Variants in POGZ observed in about 807,000 individuals in gnomAD.
POGZ encodes pogo transposable element derived with ZNF domain, also known as pogo transposable element with ZNF domain.
Under a neutral mutation model 134.6 loss-of-function variants are expected in POGZ, and 17 were observed. The observed-to-expected ratio is 0.13, with a 90% CI of 0.09 to 0.19. The LOEUF (loss-of-function observed/expected upper bound fraction) is 0.19, where lower values mean the gene tolerates loss of function less well. Ranked by LOEUF, POGZ falls within the 10% of genes least tolerant of loss-of-function variation. The probability of loss-of-function intolerance (pLI) is 1.00; values close to 1 mark genes in which losing one functional copy is unlikely to be tolerated. For missense variants in POGZ, 1,306 were observed against 1,769.7 expected (o/e 0.74, Z 4.70); for synonymous variants, 693 against 657.1 (o/e 1.05, Z -0.84).
intron 10 of POGZ, 133 bp downstream of exon 10, chr1:151,423,264 G>C: frequency 2.7e-6 from 2 of 731,146 alleles, no homozygotes; most frequent in Non-Finnish European, 4.5e-6. Flanking sequence ...TAAAGAACTG[G>C]CTACAAATAT....
intron 12 of POGZ, among the ~76,000 whole-genome samples, chr1:151,410,781 CTT>C (rs1654527530): frequency 6.6e-6 from 1 of 152,172 alleles, no homozygotes; most frequent in African/African-American, 2.4e-5. Context: ...CACAAATATA[CTT>C]TCTCTATTGT....
At chr1:151,435,554 G>C (rs558349271) in intron 3 of POGZ, among the ~76,000 whole-genome samples, 29 of 150,466 alleles carry the variant, frequency 1.9e-4, no homozygotes, top group African/African-American at 7.1e-4. Flanking sequence ...GTGCAGTAAC[G>C]TGATCTCAGC....
chr1:151,440,252 T>C (rs1025861847), intron 3 of POGZ, among the ~76,000 whole-genome samples: 2 of 152,098 alleles, frequency 1.3e-5, no homozygotes, highest in East Asian at 1.9e-4. Context: ...AAAGCTGTTT[T>C]AGTTTTAAAG....
chr1:151,442,083 G>A lies in POGZ; in HGVS notation c.122C>T (p.Thr41Ile). 1.3e-6 allele frequency: 2 copies of A among 1,591,516 alleles called. No homozygotes were observed. Among genetic ancestry groups the A allele is most frequent in the Non-Finnish European group, 1.7e-6 (2 of 1,160,826 alleles). ...AAGATCAGAAGAGCTTTTGTTACCTGTGGTAGTTTTATCCACTGAATTATA... is the reference window on the plus strand; with the variant it reads ...AAGATCAGAAGAGCTTTTGTTACCTATGGTAGTTTTATCCACTGAATTATA... ...EDYNSVDKTT[T>I]VSVSQQPVSA... is the part of the protein sequence containing the mutation. Residue 41 changes from threonine (T) to isoleucine (I), a missense_variant and splice_region_variant, in exon 2 of 19, where the codon ACA (threonine) becomes ATA (isoleucine). Around this residue, in one of 10 missense-constraint regions of POGZ, gnomAD observed 541 missense variants for 680.5 expected, o/e 0.80. Coordinates refer to ENST00000271715, the MANE Select transcript of POGZ (RefSeq NM_015100.4).
At chr1:151,440,176 T>G (rs1408412474) in intron 3 of POGZ, among the ~76,000 whole-genome samples, 2 of 151,860 alleles carry the variant, frequency 1.3e-5, no homozygotes, top group East Asian at 3.8e-4. Flanking sequence ...GGTTAAACAT[T>G]TTTTTGTTCC....
At chr1:151,417,925 T>C (rs1656069434) in intron 10 of POGZ, among the ~76,000 whole-genome samples, 1 of 152,074 alleles carries the variant, frequency 6.6e-6, no homozygotes, top group Non-Finnish European at 1.5e-5. Context: ...AGGCAAAATA[T>C]AGAATCAACC....
At chr1:151,421,064 TAATA>T (rs1656823621) in intron 10 of POGZ, among the ~76,000 whole-genome samples, 2 of 150,402 alleles carry the variant, frequency 1.3e-5, no homozygotes, top group Non-Finnish European at 3.0e-5. Flanking sequence ...TAAAAATATA[TAATA>T]TATAAAAGGA....
chr1:151,404,577 T>C lies in POGZ; in HGVS notation c.*225A>G, dbSNP rs926920349. On this transcript the variant is annotated 3_prime_UTR_variant, in exon 19 of 19. Coordinates refer to ENST00000271715, the MANE Select transcript of POGZ (RefSeq NM_015100.4). ...AAAACCTGTTTTTAGCAGAAGTGAA[T>C]GACCAATGGGCCAGCTCCTTGGCTC... 2.5e-6 allele frequency: 3 copies of C among 1,218,090 alleles called. No homozygotes were observed. Among genetic ancestry groups the C allele is most frequent in the Non-Finnish European group, 3.1e-6 (3 of 978,138 alleles). 75.5% of individuals were successfully genotyped at this position (1,218,090 alleles called of 1,614,324 possible).
chr1:151,434,833 T>C (rs994010537), intron 3 of POGZ, among the ~76,000 whole-genome samples: 6 of 152,042 alleles, frequency 3.9e-5, no homozygotes, highest in African/African-American at 7.2e-5. Flanking sequence ...CTGCCCACCT[T>C]GCACATAAAT....
At chr1:151,419,960 T>C (rs1656602891) in intron 10 of POGZ, among the ~76,000 whole-genome samples, 1 of 151,844 alleles carries the variant, frequency 6.6e-6, no homozygotes, top group African/African-American at 2.4e-5. Context: ...ACCCCCCATA[T>C]TACGCGTAAA....
At chr1:151,457,542 A>C (rs1156712292) in intron 1 of POGZ, among the ~76,000 whole-genome samples, 2 of 152,202 alleles carry the variant, frequency 1.3e-5, no homozygotes, top group African/African-American at 4.8e-5. Context: ...TCAGACCCTG[A>C]GCAATAGTGT....
rs574839500 is a variant in POGZ at position 151,443,766 on chromosome 1, T to C, written c.-1-1561A>G. Among the ~76,000 whole-genome samples, 26 of 152,300 alleles carry C rather than the reference T, an allele frequency of 1.7e-4. No homozygotes were observed. In the East Asian group the frequency reaches 4.2e-3, roughly 25 times the overall value. ...AATAAATAAAGTCTGTATCTCTGCA[T>C]TGCAAACAAAGAGTTAATGCTATTC... is the stretch of plus-strand genomic sequence containing the variant. On this transcript the variant is annotated intron_variant, in intron 1 of 18. Coordinates refer to ENST00000271715, the MANE Select transcript of POGZ (RefSeq NM_015100.4).
chr1:151,406,245 T>A lies in POGZ; in HGVS notation c.2790A>T (p.Pro930=). The A allele has an allele frequency of 6.2e-7, 1 of 1,613,988 alleles. No individual in the cohort carries two copies. Among genetic ancestry groups the A allele is most frequent in the Non-Finnish European group, 8.5e-7 (1 of 1,179,966 alleles). The change falls in exon 19 of 19, where the codon CCA becomes CCT. Residue 930 remains proline, a synonymous_variant. Coordinates refer to ENST00000271715, the MANE Select transcript of POGZ (RefSeq NM_015100.4). ...ATTCGGCTCCCTCTGTAGCCAGCGG[T>A]GGAAGGGCTAAAGCCTGCGGGTGAG... The part of the protein sequence containing the change: ...TPTHPQALAL[P]PLATEGAECL...
At chr1:151,449,813 A>G (rs968783525) in intron 1 of POGZ, among the ~76,000 whole-genome samples, 8 of 152,128 alleles carry the variant, frequency 5.3e-5, no homozygotes, top group South Asian at 2.1e-4. Flanking sequence ...GGAGAATGGC[A>G]TGAACCTGGG....
intron 1 of POGZ, among the ~76,000 whole-genome samples, chr1:151,450,426 C>T (rs1477492835): frequency 6.6e-6 from 1 of 152,118 alleles, no homozygotes; most frequent in Non-Finnish European, 1.5e-5. Flanking sequence ...GATCTCAACT[C>T]ACTGCAGCCT....
At position 151,442,012 on chromosome 1, in the gene POGZ, CT is replaced by C. The variant is rs1571538637; in HGVS notation, c.124+68del. The C allele has an allele frequency of 5.0e-6, 6 of 1,211,526 alleles. No individual in the cohort carries two copies. In the East Asian group the frequency reaches 1.4e-4, roughly 29 times the overall value. The allele number at this position is 1,211,526 out of a possible 1,614,324, so 75.0% of individuals were successfully genotyped here. A position where few individuals can be genotyped will look rare whatever the true frequency, so the allele number is the denominator to read the frequency against. On this transcript the variant is annotated intron_variant, in intron 2 of 18. Coordinates refer to ENST00000271715, the MANE Select transcript of POGZ (RefSeq NM_015100.4). The stretch of plus-strand genomic sequence containing the variant: ...TCTTCAAGTCCTTTTCCATCTCACA[CT>C]TTGTTAACCAAAATACCATTCAATT...
chr1:151,423,806 A>G, intron 9 of POGZ, 143 bp downstream of exon 9: 3 of 686,148 alleles, frequency 4.4e-6, no homozygotes, highest in South Asian at 2.0e-5. Flanking sequence ...CTCCTTCTAT[A>G]GTCCTAGTTA....
At chr1:151,432,209 C>G (rs1023121114) in intron 3 of POGZ, among the ~76,000 whole-genome samples, 7 of 151,986 alleles carry the variant, frequency 4.6e-5, no homozygotes, top group Non-Finnish European at 8.8e-5. Flanking sequence ...AACAAAAAAC[C>G]AAAGAGTCAA....
At chr1:151,429,486 T>G in intron 5 of POGZ, 117 bp downstream of exon 5, 1 of 469,348 alleles carries the variant, frequency 2.1e-6, no homozygotes, top group Non-Finnish European at 3.8e-6. Flanking sequence ...CATTAATATT[T>G]TTATATTTTT....
Sources: gnomAD v4.1 joint callset for allele counts (sites outside exome capture counted in the v4.1 genomes callset) on GRCh38, gnomAD v4.1.1 for gene constraint, gnomAD v4.1.1 regional missense constraint, MANE v1.5 for transcripts, NCBI Gene and HGNC (gene_info 2026-07-23, HGNC 2026-07-21) for gene names.